HHAT: variants seen among roughly 807,000 people sequenced by gnomAD.
The protein encoded by HHAT is protein-cysteine N-palmitoyltransferase HHAT.
Under a neutral mutation model 70.8 loss-of-function variants are expected in HHAT, and 47 were observed. That is an observed-to-expected ratio of 0.66 (90% confidence interval 0.53 to 0.85). The LOEUF (loss-of-function observed/expected upper bound fraction) is 0.85. HHAT is among the 40% of genes least tolerant of loss of function. The pLI is 0.00. For synonymous variants in HHAT, 228 were observed against 247.6 expected, an observed-to-expected ratio of 0.92 and a Z score of 0.74; for missense variants, 609 against 604.8, an observed-to-expected ratio of 1.01 and a Z score of -0.07.
chr1:210,428,008 G>T (rs2093119802), intron 7 of HHAT, among the ~76,000 whole-genome samples: 1 of 151,960 alleles, frequency 6.6e-6, no homozygotes, highest in South Asian at 2.1e-4. Flanking sequence ...AGGACAGTTA[G>T]ATTTTCTTGC....
At chr1:210,553,234 C>T (rs1448796077) in intron 9 of HHAT, among the ~76,000 whole-genome samples, 1 of 152,168 alleles carries the variant, frequency 6.6e-6, no homozygotes, top group African/African-American at 2.4e-5. Flanking sequence ...ACAGCCAAGT[C>T]CTGTGATAGT....
At chr1:210,636,355 C>CATAATCA (rs1236862684) in intron 11 of HHAT, among the ~76,000 whole-genome samples, 1 of 152,140 alleles carries the variant, frequency 6.6e-6, no homozygotes, top group African/African-American at 2.4e-5. Context: ...CACCCTTAAC[C>CATAATCA]TGAGGATGAT....
At chr1:210,656,984 C>T (rs1269720130) in intron 11 of HHAT, among the ~76,000 whole-genome samples, 1 of 152,200 alleles carries the variant, frequency 6.6e-6, no homozygotes, top group East Asian at 1.9e-4. Context: ...CCTTCTTGTA[C>T]AGGACCTAGG....
chr1:210,450,545 G>A (rs1427053932), intron 7 of HHAT, among the ~76,000 whole-genome samples: 1 of 150,494 alleles, frequency 6.6e-6, no homozygotes, highest in African/African-American at 2.4e-5. Flanking sequence ...TGCCCAGGCT[G>A]TAGTGCAGTG....
chr1:210,374,130 A>C (rs1027411444), intron 3 of HHAT: 1 of 152,216 alleles, frequency 6.6e-6, no homozygotes, highest in Non-Finnish European at 1.5e-5. Flanking sequence ...TTTCCTCTTT[A>C]AGTCTTTTTT....
At chr1:210,360,506 T>C (rs2088171114) in intron 2 of HHAT, among the ~76,000 whole-genome samples, 1 of 152,012 alleles carries the variant, frequency 6.6e-6, no homozygotes, top group South Asian at 2.1e-4. Context: ...GATGGAGTTT[T>C]TCCATGTTGG....
intron 9 of HHAT, among the ~76,000 whole-genome samples, chr1:210,571,697 A>G (rs965040312): frequency 2.1e-4 from 32 of 152,190 alleles, no homozygotes; most frequent in African/African-American, 7.7e-4. Context: ...TGCCATCAGT[A>G]CGGTGCACTT....
intron 7 of HHAT, among the ~76,000 whole-genome samples, chr1:210,418,850 A>T (rs4845019): frequency 0.46 from 69,190 of 151,938 alleles, 15,830 homozygotes; most frequent in Admixed American, 0.54. Flanking sequence ...CTGGCCAAGA[A>T]GGTGAAATCA....
At chr1:210,486,588 C>A (rs1453392068) in intron 8 of HHAT, among the ~76,000 whole-genome samples, 1 of 152,148 alleles carries the variant, frequency 6.6e-6, no homozygotes, top group Non-Finnish European at 1.5e-5. Context: ...ACACCCAGAC[C>A]TTCAGTGTGG....
chr1:210,356,288 T>G (rs77289402), intron 2 of HHAT, among the ~76,000 whole-genome samples: 4 of 152,308 alleles, frequency 2.6e-5, no homozygotes, highest in Non-Finnish European at 5.9e-5. Context: ...ACATCTTCTT[T>G]TATGAAGCAG....
At chr1:210,532,736 C>A (rs940100036) in intron 9 of HHAT, among the ~76,000 whole-genome samples, 1 of 152,120 alleles carries the variant, frequency 6.6e-6, no homozygotes, top group African/African-American at 2.4e-5. Context: ...GAAAGGTAAG[C>A]AACTACCTGA....
chr1:210,572,986 G>A (rs1656717474), intron 9 of HHAT, among the ~76,000 whole-genome samples: 1 of 152,150 alleles, frequency 6.6e-6, no homozygotes, highest in African/African-American at 2.4e-5. Context: ...GAGGGGTAGG[G>A]AAAATGGGGA....
intron 11 of HHAT, among the ~76,000 whole-genome samples, chr1:210,673,769 ATTTATTTAT>A (rs1558407374): frequency 3.4e-4 from 7 of 20,606 alleles, no homozygotes; most frequent in African/African-American, 4.5e-4. Flanking sequence ...TTTATTATTT[ATTTATTTAT>A]TTATTTATTT....
Position 210,407,004 on chromosome 1 carries a change from A to G in HHAT, c.684+2325A>G, listed in dbSNP as rs576123471. On this transcript the variant is annotated intron_variant, in intron 6 of 11. Transcript: ENST00000261458. ...TTAAAACCTCTATGTTTGGGGGAGT[A>G]TTCATAGAATAGTCATTCTAGAAAA... Among the ~76,000 whole-genome samples the G allele has an allele frequency of 1.6e-4, 24 of 152,304 alleles. No individual in the cohort carries two copies. The East Asian group carries it at 4.4e-3, about 28-fold the overall frequency.
At chr1:210,666,168 A>G (rs1425214533) in intron 11 of HHAT, among the ~76,000 whole-genome samples, 1 of 152,250 alleles carries the variant, frequency 6.6e-6, no homozygotes, top group Non-Finnish European at 1.5e-5. Context: ...AGTGCTGCCC[A>G]GCCTGACAGC....
chr1:210,566,447 C>A (rs777551313), intron 9 of HHAT, among the ~76,000 whole-genome samples: 4 of 152,088 alleles, frequency 2.6e-5, no homozygotes, highest in South Asian at 2.1e-4. Context: ...AACAGGCATT[C>A]TTGTTTTTGT....
intron 7 of HHAT, among the ~76,000 whole-genome samples, chr1:210,461,345 C>A (rs11119504): frequency 0.076 from 11,575 of 152,138 alleles, 476 homozygotes; most frequent in South Asian, 0.12. Context: ...TGTCACCAGG[C>A]TGGAGTGCAG....
chr1:210,387,920 A>G lies in HHAT; in HGVS notation c.273+339A>G, dbSNP rs1025335659. ...TGAGTTCACTTGCAAATTCAGAAGA[A>G]AGTTGATGATTTACTTAAGAAGTGG... On this transcript the variant is annotated intron_variant, in intron 4 of 11. Coordinates refer to ENST00000261458, the MANE Select transcript of HHAT (RefSeq NM_018194.6). Among the ~76,000 whole-genome samples, 5 of 152,196 alleles carry G rather than the reference A, an allele frequency of 3.3e-5. No homozygotes were observed. In the East Asian group the frequency reaches 9.6e-4, roughly 29 times the overall value.
At chr1:210,543,499 G>C (rs542742275) in intron 9 of HHAT, among the ~76,000 whole-genome samples, 1 of 152,216 alleles carries the variant, frequency 6.6e-6, no homozygotes, top group East Asian at 1.9e-4. Context: ...AGAATTGCTT[G>C]AAGCCAGTAG....
Sources: allele counts gnomAD v4.1 joint callset (sites outside exome capture counted in the v4.1 genomes callset), GRCh38; gene constraint gnomAD v4.1.1; transcripts MANE v1.5; gene names NCBI Gene and HGNC (gene_info 2026-07-23, HGNC 2026-07-21).